The following GPHN variants were observed in gnomAD, a reference collection of about 807,000 sequenced individuals.
GPHN encodes the protein gephyrin.
Under a neutral mutation model 95.5 loss-of-function variants are expected in GPHN, and 17 were observed. The observed-to-expected ratio is 0.18, with a 90% CI of 0.12 to 0.27. The LOEUF is 0.27. GPHN is among the 10% of genes least tolerant of loss of function. The pLI, the probability that GPHN is intolerant of heterozygous loss-of-function variation, is 1.00. For synonymous variants in GPHN, 320 were observed against 322.5 expected, an observed-to-expected ratio of 0.99 and a Z score of 0.08; for missense variants, 660 against 978.1, an observed-to-expected ratio of 0.67 and a Z score of 4.34.
the GPHN span, among the ~76,000 whole-genome samples, chr14:67,230,657 A>G: frequency 6.6e-6 from 1 of 152,372 alleles, no homozygotes. Flanking sequence ...CTCGTACACA[A>G]AGAGTCATAG....
chr14:66,913,239 G>T (rs2065755492), intron 5 of GPHN, among the ~76,000 whole-genome samples: 1 of 152,102 alleles, frequency 6.6e-6, no homozygotes, highest in Admixed American at 6.6e-5. Flanking sequence ...GATGCTTGCT[G>T]GTGAGAGACA....
the GPHN span, among the ~76,000 whole-genome samples, chr14:67,529,421 C>A: frequency 6.6e-6 from 1 of 152,176 alleles, no homozygotes; most frequent in Non-Finnish European, 1.5e-5. Context: ...TCCTTCCTAG[C>A]ACAGTGGCTG....
At chr14:66,818,453 T>G (rs200805771) in intron 3 of GPHN, among the ~76,000 whole-genome samples, 1 of 152,200 alleles carries the variant, frequency 6.6e-6, no homozygotes, top group Non-Finnish European at 1.5e-5. Context: ...TGTGGCTGCA[T>G]AGTATTGCAT....
chr14:66,856,249 C>T (rs568528356), intron 4 of GPHN, among the ~76,000 whole-genome samples: 1 of 152,212 alleles, frequency 6.6e-6, no homozygotes, highest in South Asian at 2.1e-4. Context: ...TGATTTTGTG[C>T]TATTCATGTA....
the GPHN span, among the ~76,000 whole-genome samples, chr14:67,658,513 A>G: frequency 6.6e-6 from 1 of 152,220 alleles, no homozygotes. Context: ...AGGAGAATGG[A>G]GTGAACCCGG....
At chr14:67,031,697 A>C (rs1225717681) in intron 10 of GPHN, among the ~76,000 whole-genome samples, 1 of 152,182 alleles carries the variant, frequency 6.6e-6, no homozygotes, top group Admixed American at 6.5e-5. Flanking sequence ...CTCCTGCCTC[A>C]ATCTCCTGAG....
chr14:66,837,468 T>A (rs1346704822), intron 4 of GPHN, among the ~76,000 whole-genome samples: 1 of 132,002 alleles, frequency 7.6e-6, no homozygotes, highest in African/African-American at 2.8e-5. Flanking sequence ...GGGGGAGGGA[T>A]AGCATTGGGA....
chr14:67,317,174 A>T, the GPHN span, among the ~76,000 whole-genome samples: 2 of 152,236 alleles, frequency 1.3e-5, no homozygotes, highest in Non-Finnish European at 2.9e-5. Flanking sequence ...AAAGTAAATT[A>T]AAAACAAGCT....
the GPHN span, among the ~76,000 whole-genome samples, chr14:67,686,638 CAAAAA>C: frequency 1.2e-5 from 1 of 80,176 alleles, no homozygotes. Flanking sequence ...GACACCGGTG[CAAAAA>C]AAAAAAAAAA....
At chr14:66,704,601 C>T (rs1351827647) in intron 2 of GPHN, among the ~76,000 whole-genome samples, 2 of 152,090 alleles carry the variant, frequency 1.3e-5, no homozygotes, top group African/African-American at 4.8e-5. Flanking sequence ...TCAAGATGTT[C>T]TTTGAATCCA....
intron 1 of GPHN, among the ~76,000 whole-genome samples, chr14:66,574,829 C>T (rs1233120147): frequency 6.6e-6 from 1 of 152,182 alleles, no homozygotes; most frequent in Non-Finnish European, 1.5e-5. Context: ...GATATACTCT[C>T]CTGTTCTTGA....
intron 8 of GPHN, among the ~76,000 whole-genome samples, chr14:66,938,139 C>T (rs1296715932): frequency 6.6e-6 from 1 of 152,138 alleles, no homozygotes; most frequent in Non-Finnish European, 1.5e-5. Context: ...GCCTTGGTTG[C>T]ACAATCAGTT....
At chr14:66,967,609 C>G (rs2069431124) in intron 9 of GPHN, among the ~76,000 whole-genome samples, 1 of 151,860 alleles carries the variant, frequency 6.6e-6, no homozygotes. Context: ...CCAAAATACT[C>G]CAGTGAACAT....
chr14:66,724,829 C>T (rs1207071558), intron 2 of GPHN, among the ~76,000 whole-genome samples: 5 of 151,982 alleles, frequency 3.3e-5, no homozygotes, highest in African/African-American at 1.2e-4. Context: ...TAATTCTCAC[C>T]CTATCATATT....
chr14:67,164,642 C>A (rs1269634537), intron 19 of GPHN, among the ~76,000 whole-genome samples: 1 of 151,998 alleles, frequency 6.6e-6, no homozygotes, highest in Non-Finnish European at 1.5e-5. Context: ...CAGGCGCACA[C>A]CACCATGCCT....
chr14:67,243,153 A>G, the GPHN span, among the ~76,000 whole-genome samples: 2 of 151,784 alleles, frequency 1.3e-5, no homozygotes, highest in Admixed American at 6.6e-5. Flanking sequence ...AAAAAATAGT[A>G]TCTTGACATA....
chr14:66,841,368 C>T (rs1001080179), intron 4 of GPHN, among the ~76,000 whole-genome samples: 12 of 152,034 alleles, frequency 7.9e-5, no homozygotes, highest in Non-Finnish European at 2.9e-5. Context: ...AACCTGTATG[C>T]CACCCTTAGT....
At chr14:67,019,911 C>T (rs1465068961) in intron 9 of GPHN, among the ~76,000 whole-genome samples, 1 of 152,176 alleles carries the variant, frequency 6.6e-6, no homozygotes, top group Admixed American at 6.5e-5. Context: ...CACTGCTACG[C>T]TTTCGTGTGT....
chr14:67,622,266 A>C, the GPHN span, among the ~76,000 whole-genome samples: 1 of 152,222 alleles, frequency 6.6e-6, no homozygotes, highest in Non-Finnish European at 1.5e-5. Flanking sequence ...ATAATAACAC[A>C]TAATCTAAGT....
Sources: gnomAD v4.1 joint callset for allele counts (sites outside exome capture counted in the v4.1 genomes callset) on GRCh38, gnomAD v4.1.1 for gene constraint, MANE v1.5 for transcripts, NCBI Gene and HGNC (gene_info 2026-07-23, HGNC 2026-07-21) for gene names.